Variants in OPCML observed in about 807,000 individuals in gnomAD.
OPCML encodes opioid binding protein/cell adhesion molecule like, also known as opioid-binding protein/cell adhesion molecule.
A neutral mutation model predicts 37.8 loss-of-function variants in OPCML; 13 were observed. The ratio of observed to expected loss-of-function variants is 0.34; its 90% CI spans 0.22 to 0.55. The LOEUF is 0.55. OPCML is among the 20% of genes least tolerant of loss of function. The pLI, the probability that OPCML is intolerant of heterozygous loss-of-function variation, is 0.91. For missense variants in OPCML, 341 were observed against 435.6 expected, an observed-to-expected ratio of 0.78 and a Z score of 1.93; for synonymous variants, 176 against 168.8, an observed-to-expected ratio of 1.04 and a Z score of -0.33.
At chr11:133,227,828 G>A (rs1203128032) in intron 1 of OPCML, among the ~76,000 whole-genome samples, 2 of 152,170 alleles carry the variant, frequency 1.3e-5, no homozygotes, top group African/African-American at 4.8e-5. Context: ...AGGGGTCCCA[G>A]CAAAGAAGCA....
At chr11:133,275,241 T>C (rs555560620) in intron 1 of OPCML, among the ~76,000 whole-genome samples, 135 of 152,310 alleles carry the variant, frequency 8.9e-4, no homozygotes, top group Admixed American at 1.5e-3. Context: ...AACCTAGATA[T>C]CTTGTAACAG....
intron 4 of OPCML, among the ~76,000 whole-genome samples, chr11:132,510,492 TC>T (rs1193804608): frequency 3.9e-5 from 6 of 152,158 alleles, no homozygotes; most frequent in Non-Finnish European, 8.8e-5. Context: ...CTCCCAGAAT[TC>T]CCGTATGTTC....
At chr11:133,011,755 T>C (rs1038392638) in intron 1 of OPCML, among the ~76,000 whole-genome samples, 3 of 152,192 alleles carry the variant, frequency 2.0e-5, no homozygotes, top group Non-Finnish European at 4.4e-5. Context: ...CAAGCTCTGA[T>C]AGAAGTTGGC....
intron 1 of OPCML, among the ~76,000 whole-genome samples, chr11:133,328,121 G>A (rs1279019210): frequency 6.6e-6 from 1 of 151,336 alleles, no homozygotes; most frequent in Non-Finnish European, 1.5e-5. Context: ...CTATAAAACA[G>A]AATAATGATA....
intron 1 of OPCML, among the ~76,000 whole-genome samples, chr11:133,253,161 A>G (rs1347565440): frequency 6.6e-6 from 1 of 150,936 alleles, no homozygotes; most frequent in Non-Finnish European, 1.5e-5. Context: ...AAAAAAAAAA[A>G]GGAAAGAAAT....
intron 1 of OPCML, among the ~76,000 whole-genome samples, chr11:133,388,489 G>A (rs1002072008): frequency 6.6e-6 from 1 of 152,144 alleles, no homozygotes; most frequent in Non-Finnish European, 1.5e-5. Context: ...GGGGACAATT[G>A]GGTGACCAAG....
intron 1 of OPCML, among the ~76,000 whole-genome samples, chr11:133,047,908 C>T (rs4448698): frequency 0.16 from 23,673 of 152,086 alleles, 2,344 homozygotes; most frequent in African/African-American, 0.27. Flanking sequence ...GAGAGCCAGA[C>T]GCCCTCCATT....
At chr11:132,550,638 G>A (rs1203403561) in intron 3 of OPCML, among the ~76,000 whole-genome samples, 1 of 152,174 alleles carries the variant, frequency 6.6e-6, no homozygotes, top group African/African-American at 2.4e-5. Context: ...TGGCCTAAGA[G>A]GGCATCTCTA....
rs191304110 is a variant in OPCML at position 132,841,837 on chromosome 11, G to A, written c.146+101089C>T. ...GATTGTACCATTGCACTCCAGCCTG[G>A]GTGACAGAATGACACTCTATCTCAA... is the stretch of plus-strand genomic sequence containing the variant. On this transcript the variant is annotated intron_variant, in intron 2 of 7. Coordinates refer to ENST00000524381, the MANE Select transcript of OPCML (RefSeq NM_001012393.5). Among the ~76,000 whole-genome samples, 197 of 131,146 alleles carry A rather than the reference G, an allele frequency of 1.5e-3. 2 individuals are homozygous for A. Among genetic ancestry groups the A allele is most frequent in the Admixed American group, 0.014 (168 of 12,206 alleles). 86.0% of individuals were successfully genotyped at this position (131,146 alleles called of 152,430 possible).
At chr11:132,656,135 G>A (rs556043637) in intron 3 of OPCML, among the ~76,000 whole-genome samples, 2 of 152,048 alleles carry the variant, frequency 1.3e-5, no homozygotes, top group Non-Finnish European at 2.9e-5. Flanking sequence ...CTGGCTGACG[G>A]AACTAATGTG....
In OPCML at chr11:132,737,950, C is replaced by G. The variant is rs79506174; in HGVS notation, c.147-80631G>C. On this transcript the variant is annotated intron_variant, in intron 2 of 7. Coordinates refer to ENST00000524381, the MANE Select transcript of OPCML (RefSeq NM_001012393.5). ...GAATGAAGTCAAGGGGTGTTCCTAT[C>G]TTTCACCTCTATAAATCGCCCCCAG... 9.8e-3 allele frequency among the ~76,000 whole-genome samples: 1,486 copies of G among 152,268 alleles called. 12 individuals are homozygous for G. Among genetic ancestry groups the G allele is most frequent in the South Asian group, 0.02 (98 of 4,826 alleles).
At chr11:132,851,521 A>C (rs1941809168) in intron 2 of OPCML, among the ~76,000 whole-genome samples, 1 of 152,160 alleles carries the variant, frequency 6.6e-6, no homozygotes, top group African/African-American at 2.4e-5. Context: ...AGTGCCTAAA[A>C]GTCTACCAAG....
intron 1 of OPCML, among the ~76,000 whole-genome samples, chr11:133,118,083 T>C (rs1257961957): frequency 6.6e-6 from 1 of 152,224 alleles, no homozygotes; most frequent in African/African-American, 2.4e-5. Context: ...TGCCGCAGTC[T>C]GAGTCTCAGC....
chr11:133,276,109 T>C (rs1000853624), intron 1 of OPCML, among the ~76,000 whole-genome samples: 1 of 152,160 alleles, frequency 6.6e-6, no homozygotes, highest in African/African-American at 2.4e-5. Context: ...TTTGGGGATA[T>C]ACAAACCATG....
intron 1 of OPCML, among the ~76,000 whole-genome samples, chr11:133,162,851 C>T (rs756470572): frequency 2.0e-5 from 3 of 152,158 alleles, no homozygotes; most frequent in Non-Finnish European, 4.4e-5. Flanking sequence ...CCAAGAAATC[C>T]TTCATAGTAG....
chr11:133,212,571 T>C lies in OPCML; in HGVS notation c.62-269561A>G, dbSNP rs751766375. On this transcript the variant is annotated intron_variant, in intron 1 of 7. Coordinates refer to ENST00000524381, the MANE Select transcript of OPCML (RefSeq NM_001012393.5). This position sits in a 1 kb window ranked among gnomAD's most constrained non-coding sequence, Gnocchi z 4.9. ...TCTGCTCACCCCGCTGCACTCTTGA[T>C]CTCCCTTACTCTCTTTTACTTTCTC... Among the ~76,000 whole-genome samples, 8 of 152,188 alleles carry C rather than the reference T, an allele frequency of 5.3e-5. No individual in the cohort carries two copies. The highest frequency in any genetic ancestry group is 1.2e-4 in the Non-Finnish European group (8 of 68,040).
intron 2 of OPCML, among the ~76,000 whole-genome samples, chr11:132,867,723 A>C (rs1942631325): frequency 1.3e-5 from 2 of 152,184 alleles, no homozygotes; most frequent in South Asian, 4.1e-4. Flanking sequence ...CTTGCCCTTA[A>C]CTTTCCATTC....
At chr11:133,508,323 T>C (rs1168425428) in intron 1 of OPCML, among the ~76,000 whole-genome samples, 2 of 152,222 alleles carry the variant, frequency 1.3e-5, no homozygotes, top group African/African-American at 4.8e-5. Flanking sequence ...TTCATTTCCA[T>C]ACTGCTGGTC....
chr11:133,009,013 C>A (rs1283741051), intron 1 of OPCML: 33 of 985,322 alleles, frequency 3.3e-5, no homozygotes, highest in Non-Finnish European at 4.0e-5. Flanking sequence ...CTCTATTTGA[C>A]ATCTGTTTCA....
Sources: gnomAD v4.1 joint callset for allele counts (sites outside exome capture counted in the v4.1 genomes callset) on GRCh38, gnomAD v4.1.1 for gene constraint, Gnocchi (gnomAD v3.1) non-coding constraint, MANE v1.5 for transcripts, NCBI Gene and HGNC (gene_info 2026-07-23, HGNC 2026-07-21) for gene names.